WDR97: variants seen among roughly 807,000 people sequenced by gnomAD.
WDR97 encodes WD repeat-containing protein 97.
Under a neutral mutation model 65.4 loss-of-function variants are expected in WDR97, and 111 were observed. The ratio of observed to expected loss-of-function variants is 1.70; its 90% CI spans 1.45 to 1.99. The LOEUF is 1.99. WDR97 is among the 30% of genes most tolerant of loss of function. The pLI is 0.00. For synonymous variants in WDR97, 802 were observed against 397.7 expected (o/e 2.02, Z -12.10); for missense variants, 1,674 against 865.0 (o/e 1.94, Z -11.73).
Position 144,114,806 on chromosome 8 carries a change from A to G in WDR97, c.3972A>G (p.Leu1324=), listed in dbSNP as rs1201823336. 1.4e-6 allele frequency: 1 copy of G among 702,554 alleles called. No individual in the cohort carries two copies. The highest frequency in any genetic ancestry group is 1.7e-5 in the African/African-American group (1 of 57,244). The allele number at this position is 702,554 out of a possible 1,614,324, so 43.5% of individuals were successfully genotyped here. Residue 1324 remains leucine, a synonymous_variant, in exon 21 of 24, where the codon CTA becomes CTG. Transcript: ENST00000323662. ...GLGLQDPEGF[L]FKEMMTWVQG... ...GCCTTCAGGACCCAGAGGGCTTCCTATTCAAGGAGATGATGACCTGGGTCC... is the reference window on the plus strand; with the variant it reads ...GCCTTCAGGACCCAGAGGGCTTCCTGTTCAAGGAGATGATGACCTGGGTCC...
rs569648846 is a variant in WDR97 at position 144,107,807 on chromosome 8, G to C, written c.57G>C (p.Leu19=). ...ACAACCTAGTTCTGGACTCGGACCT[G>C]TATGATGCGGATGGCTATGATGTCC... ...EGYNLVLDSD[L]YDADGYDVPD... is the part of the protein sequence containing the mutation. The change falls in exon 1 of 24, where the codon CTG becomes CTC. Residue 19 remains leucine (L), a synonymous_variant. Transcript: ENST00000323662. 2.8e-6 allele frequency: 2 copies of C among 702,878 alleles called. No individual in the cohort carries two copies. The highest frequency in any genetic ancestry group is 2.0e-5 in the Admixed American group (1 of 50,026). 43.5% of individuals were successfully genotyped at this position (702,878 alleles called of 1,614,324 possible). A position where few individuals can be genotyped will look rare whatever the true frequency, so the allele number is the denominator to read the frequency against.
At chr8:144,111,390 A>T (rs1345716169) in intron 10 of WDR97, 36 bp from the exon 11 acceptor site, 2 of 702,554 alleles carry the variant, frequency 2.8e-6, no homozygotes, top group Non-Finnish European at 5.2e-6. Context: ...CTGGCATGCC[A>T]CCCAGCATCC....
rs1409468822 is a variant in WDR97 at position 144,111,763 on chromosome 8, C to G, written c.2619C>G (p.Ile873Met). The G allele has an allele frequency of 1.5e-6, 1 of 687,984 alleles. No individual in the cohort carries two copies. Among genetic ancestry groups the G allele is most frequent in the Non-Finnish European group, 2.7e-6 (1 of 375,502 alleles). 42.6% of individuals were successfully genotyped at this position (687,984 alleles called of 1,614,324 possible). The stretch of plus-strand genomic sequence containing the variant: ...GCTTTGACAATTACCTCCGTCTGAT[C>G]TACGGCTCTGGCCTGCTGGTAGGTG... Reference protein sequence around the residue: ...QEGFDNYLRLIYGSGLLGMQS... With the variant: ...QEGFDNYLRLMYGSGLLGMQS... The change falls in exon 12 of 24, where the codon ATC (isoleucine) becomes ATG (methionine). Residue 873 changes from isoleucine to methionine, a missense_variant. By Grantham distance (10) the Ile-to-Met change is conservative (BLOSUM62 1). Transcript: ENST00000323662.
chr8:144,116,163 C>G lies in WDR97; in HGVS notation c.4739C>G (p.Pro1580Arg), dbSNP rs1255280952. The change falls in exon 24 of 24, where the codon CCG becomes CGG. Residue 1580 changes from proline to arginine, a missense_variant. By Grantham distance (103) the Pro-to-Arg change is moderately radical. Coordinates refer to ENST00000323662, the MANE Select transcript of WDR97 (RefSeq NM_001316309.2). Reference sequence around the variant, plus strand: ...ATCCGGACGCTGAAGCTGCCGTTGCCGCGTGTGGAGCCGCAGCCTTTCCCC... The same window carrying G: ...ATCCGGACGCTGAAGCTGCCGTTGCGGCGTGTGGAGCCGCAGCCTTTCCCC... ...GPIRTLKLPL[P>R]RVEPQPFPLD... The G allele has an allele frequency of 2.4e-5, 17 of 700,382 alleles. No homozygotes were observed. The Admixed American group carries it at 3.4e-4, about 14-fold the overall frequency. The allele number at this position is 700,382 out of a possible 1,614,324, so 43.4% of individuals were successfully genotyped here. A position where few individuals can be genotyped will look rare whatever the true frequency, so the allele number is the denominator to read the frequency against.
rs1173930847 is a variant in WDR97 at position 144,111,010 on chromosome 8, A to G, written c.2304+14A>G. 2.8e-6 allele frequency: 2 copies of G among 702,650 alleles called. No homozygotes were observed. The highest frequency in any genetic ancestry group is 5.2e-6 in the Non-Finnish European group (2 of 384,876). The allele number at this position is 702,650 out of a possible 1,614,324, so 43.5% of individuals were successfully genotyped here. ...TACCTAGTTAAGGTGTGTGGTGAGG[A>G]CAGAGTGAGCAAGGTGGGCCCCCCT... On this transcript the variant is annotated intron_variant, in intron 9 of 23. Coordinates refer to ENST00000323662, the MANE Select transcript of WDR97 (RefSeq NM_001316309.2).
rs551803426 is a variant in WDR97, at chr8:144,112,119, G to T, written c.2870G>T (p.Arg957Leu). 5.7e-6 allele frequency: 4 copies of T among 701,496 alleles called. No homozygotes were observed. The highest frequency in any genetic ancestry group is 7.8e-6 in the Non-Finnish European group (3 of 384,658). The allele number at this position is 701,496 out of a possible 1,614,324, so 43.5% of individuals were successfully genotyped here. Residue 957 changes from arginine to leucine, a missense_variant, in exon 13 of 24, where the codon CGT becomes CTT. Transcript: ENST00000323662. Reference sequence around the variant, plus strand: ...ACAGTGCCGATCCCACCCACCCACCGTAGGGTGCACAGCAAGGCATCCCAG... The same window carrying T: ...ACAGTGCCGATCCCACCCACCCACCTTAGGGTGCACAGCAAGGCATCCCAG... ...RVTVPIPPTH[R>L]RVHSKASQLL...
intron 15 of WDR97, 157 bp downstream of exon 15, chr8:144,112,687 C>A (rs1445766085): frequency 4.8e-6 from 3 of 627,804 alleles, no homozygotes; most frequent in Non-Finnish European, 8.7e-6. Context: ...CCCACGCACC[C>A]CTCACCCCTC....
At chr8:144,116,051 C>T (rs1836655647) in intron 23 of WDR97, 38 bp downstream of exon 23, 1 of 697,256 alleles carries the variant, frequency 1.4e-6, no homozygotes, top group Non-Finnish European at 2.6e-6. Flanking sequence ...ACCCCACCCA[C>T]CCCAGCCCCC....
rs1836541426 is a variant in WDR97, at chr8:144,111,189, G to A, written c.2393G>A (p.Arg798Lys). ...TCACTGACTTCCGCCCAACTGCAGA[G>A]GCTCACCAACCTCCATGGGGCAGCC... ...QESLTSAQLQ[R>K]LTNLHGAASL... The change falls in exon 10 of 24, where the codon AGG (arginine) becomes AAG (lysine). Residue 798 changes from arginine to lysine, a missense_variant. By Grantham distance (26) the Arg-to-Lys change is conservative. Transcript: ENST00000323662. 1.4e-6 allele frequency: 1 copy of A among 702,756 alleles called. No individual in the cohort carries two copies. The highest frequency in any genetic ancestry group is 2.6e-6 in the Non-Finnish European group (1 of 385,018). 43.5% of individuals were successfully genotyped at this position (702,756 alleles called of 1,614,324 possible).
rs1223022612 is a variant in WDR97, at chr8:144,116,556, T to TA, written c.*264dup. The TA allele has an allele frequency of 2.4e-6, 1 of 419,254 alleles. No homozygotes were observed. The highest frequency in any genetic ancestry group is 2.1e-5 in the African/African-American group (1 of 47,934). The allele number at this position is 419,254 out of a possible 1,614,324, so 26.0% of individuals were successfully genotyped here. On this transcript the variant is annotated 3_prime_UTR_variant, in exon 24 of 24. Coordinates refer to ENST00000323662, the MANE Select transcript of WDR97 (RefSeq NM_001316309.2). ...GCCGGCCTAGGGCAGAGGAGACCCA[T>TA]AGCGGGGTACCATCCGCTGGGCACT...
chr8:144,110,279 G>T (rs546076298), intron 6 of WDR97, 23 bp downstream of exon 6: 5 of 702,000 alleles, frequency 7.1e-6, no homozygotes, highest in Non-Finnish European at 1.3e-5. Flanking sequence ...CCTGCCAAAG[G>T]CCAGGCCGCC....
In WDR97 at chr8:144,114,920, G is replaced by A. The variant is rs566097787; in HGVS notation, c.4077+9G>A. The A allele has an allele frequency of 4.5e-5, 31 of 684,430 alleles. No homozygotes were observed. The highest frequency in any genetic ancestry group is 1.7e-4 in the South Asian group (11 of 64,850). 42.4% of individuals were successfully genotyped at this position (684,430 alleles called of 1,614,324 possible). ...TGATCCAGGAGCTTCAGGTTGGGCC[G>A]GCAGGGGCCGGGGGGGCCTTGGGAA... is the stretch of plus-strand genomic sequence containing the variant. On this transcript the variant is annotated intron_variant, in intron 21 of 23. Coordinates refer to ENST00000323662, the MANE Select transcript of WDR97 (RefSeq NM_001316309.2).
chr8:144,112,952 G>A (rs55788604), intron 15 of WDR97: 17,048 of 288,276 alleles, frequency 0.059, 631 homozygotes, highest in Non-Finnish European at 0.078. Flanking sequence ...CCACCCTCAC[G>A]TACACCAGGT....
chr8:144,116,489 G>A lies in WDR97; in HGVS notation c.*196G>A, dbSNP rs938805930. 2.2e-5 allele frequency: 11 copies of A among 500,814 alleles called. No individual in the cohort carries two copies. Among genetic ancestry groups the A allele is most frequent in the Non-Finnish European group, 3.5e-5 (10 of 286,164 alleles). The allele number at this position is 500,814 out of a possible 1,614,324, so 31.0% of individuals were successfully genotyped here. A position where few individuals can be genotyped will look rare whatever the true frequency, so the allele number is the denominator to read the frequency against. Reference sequence around the variant, plus strand: ...GCGGAAGGCAGGAGCCGGAGGCCTGGCGGAGGTGGCCATCGTGGGCACCAG... The same window carrying A: ...GCGGAAGGCAGGAGCCGGAGGCCTGACGGAGGTGGCCATCGTGGGCACCAG... On this transcript the variant is annotated 3_prime_UTR_variant, in exon 24 of 24. Coordinates refer to ENST00000323662, the MANE Select transcript of WDR97 (RefSeq NM_001316309.2).
chr8:144,108,983 G>A (rs1184794576), intron 3 of WDR97, 39 bp downstream of exon 3: 2 of 702,962 alleles, frequency 2.8e-6, no homozygotes, highest in Non-Finnish European at 5.2e-6. Flanking sequence ...GGCATGTAGG[G>A]GCACACGGCC....
Position 144,109,428 on chromosome 8 carries a change from C to CGGCGCAGGTGGGCGAGGT in WDR97, c.1095_1112dup (p.Gln367_Ala372dup), listed in dbSNP as rs1836492646. ...CTACGCACCTGGGACCTGCAGGCGGCGGCGCAGGTGGGCGAGGTAGCGCTG... is the reference window on the plus strand; with the variant it reads ...CTACGCACCTGGGACCTGCAGGCGGCGGCGCAGGTGGGCGAGGTGGCGCAGGTGGGCGAGGTAGCGCTG... On this transcript the variant is annotated inframe_insertion, in exon 5 of 24. Coordinates refer to ENST00000323662, the MANE Select transcript of WDR97 (RefSeq NM_001316309.2). The CGGCGCAGGTGGGCGAGGT allele has an allele frequency of 1.4e-6, 1 of 701,960 alleles. No individual in the cohort carries two copies. The highest frequency in any genetic ancestry group is 2.6e-6 in the Non-Finnish European group (1 of 384,644). The allele number at this position is 701,960 out of a possible 1,614,324, so 43.5% of individuals were successfully genotyped here.
At position 144,114,927 on chromosome 8, in the gene WDR97, G is replaced by A. The variant is rs896924717; in HGVS notation, c.4077+16G>A. 3.0e-6 allele frequency: 2 copies of A among 674,178 alleles called. No individual in the cohort carries two copies. The highest frequency in any genetic ancestry group is 2.3e-5 in the Admixed American group (1 of 43,060). 41.8% of individuals were successfully genotyped at this position (674,178 alleles called of 1,614,324 possible). ...GGAGCTTCAGGTTGGGCCGGCAGGG[G>A]CCGGGGGGGCCTTGGGAACCCTGTT... On this transcript the variant is annotated intron_variant, in intron 21 of 23. Transcript: ENST00000323662.
Position 144,111,129 on chromosome 8 carries a change from T to C in WDR97, c.2333T>C (p.Val778Ala). 2.8e-6 allele frequency: 2 copies of C among 702,730 alleles called. No homozygotes were observed. Among genetic ancestry groups the C allele is most frequent in the Non-Finnish European group, 5.2e-6 (2 of 384,994 alleles). The allele number at this position is 702,730 out of a possible 1,614,324, so 43.5% of individuals were successfully genotyped here. A position where few individuals can be genotyped will look rare whatever the true frequency, so the allele number is the denominator to read the frequency against. ...KKMCRKAPDV[V>A]DDPPLPLMSQ... ...ATGTGCCGGAAGGCCCCAGACGTGG[T>C]GGACGACCCTCCGCTGCCACTGATG... Residue 778 changes from valine (V) to alanine (A), a missense_variant, in exon 10 of 24, where the codon GTG (valine) becomes GCG (alanine). Physicochemically the swap from Val to Ala is moderately conservative, Grantham distance 64. Transcript: ENST00000323662.
At chr8:144,112,727 A>G in intron 15 of WDR97, 197 bp downstream of exon 15, 1 of 592,432 alleles carries the variant, frequency 1.7e-6, no homozygotes, top group Non-Finnish European at 3.0e-6. Flanking sequence ...GCCCTGTTCC[A>G]GTACAGCTGT....
Sources: allele counts gnomAD v4.1 joint callset, GRCh38; gene constraint gnomAD v4.1.1; transcripts MANE v1.5; gene names NCBI Gene and HGNC (gene_info 2026-07-23, HGNC 2026-07-21).